Variants in KIF26B observed in about 807,000 individuals in gnomAD.
The protein encoded by KIF26B is kinesin family member 26B.
In KIF26B, 63 loss-of-function variants were observed where a neutral mutation model predicts 151.2. That is an observed-to-expected ratio of 0.42 (90% confidence interval 0.34 to 0.51). The LOEUF (loss-of-function observed/expected upper bound fraction) is 0.51, where lower values mean the gene tolerates loss of function less well. Ranked by LOEUF, KIF26B falls within the 20% of genes least tolerant of loss-of-function variation. KIF26B has a pLI of 0.07. For synonymous variants in KIF26B, 1,357 were observed against 1,262.1 expected (o/e 1.08, Z -1.59); for missense variants, 2,813 against 2,913.6 (o/e 0.97, Z 0.79).
chr1:245,658,326 G>A (rs138111344), intron 10 of KIF26B, among the ~76,000 whole-genome samples: 39 of 152,206 alleles, frequency 2.6e-4, no homozygotes, highest in Non-Finnish European at 3.7e-4. Context: ...GAAGTTAATC[G>A]AACCTATTTC....
At chr1:245,296,899 C>T (rs1003633558) in intron 2 of KIF26B, among the ~76,000 whole-genome samples, 5 of 152,112 alleles carry the variant, frequency 3.3e-5, no homozygotes, top group African/African-American at 1.2e-4. Context: ...ATTTATGTCC[C>T]GACTTTTTAG....
chr1:245,293,547 G>T (rs1438995747), intron 2 of KIF26B, among the ~76,000 whole-genome samples: 1 of 151,364 alleles, frequency 6.6e-6, no homozygotes, highest in Non-Finnish European at 1.5e-5. Context: ...GCAAAAGCCT[G>T]GTCATTAAAG....
Position 245,640,143 on chromosome 1 carries a change from C to CTCTCTCTCTATATA in KIF26B, c.2099-5977_2099-5976insCTCTCTCTATATAT. ...ATTTGCTCTCTCTCTCTCTCTCTCT[C>CTCTCTCTCTATATA]TATATATATATATATATACCCTGCT... is the stretch of plus-strand genomic sequence containing the variant. On this transcript the variant is annotated intron_variant, in intron 9 of 14. Transcript: ENST00000407071. Among the ~76,000 whole-genome samples, 22 of 31,926 alleles carry CTCTCTCTCTATATA rather than the reference C, an allele frequency of 6.9e-4. 1 individual carries two copies. Among genetic ancestry groups the CTCTCTCTCTATATA allele is most frequent in the African/African-American group, 2.9e-3 (21 of 7,194 alleles). The allele number at this position is 31,926 out of a possible 152,430, so 20.9% of individuals were successfully genotyped here.
At chr1:245,427,218 C>T (rs550325361) in intron 4 of KIF26B, among the ~76,000 whole-genome samples, 1 of 152,306 alleles carries the variant, frequency 6.6e-6, no homozygotes, top group East Asian at 1.9e-4. Context: ...CGTCAATTGA[C>T]TGTGGAGAGA....
In KIF26B at chr1:245,424,110, C is replaced by T. The variant is rs539287974; in HGVS notation, c.1166+4365C>T. The stretch of plus-strand genomic sequence containing the variant: ...CCTTCCACCTTGGCCTCCCATAGTG[C>T]TGGGATTATAGTCATGAGCCACTGC... On this transcript the variant is annotated intron_variant, in intron 4 of 14. Transcript: ENST00000407071. Among the ~76,000 whole-genome samples, 2 of 152,234 alleles carry T rather than the reference C, an allele frequency of 1.3e-5. 1 individual carries two copies. The highest frequency in any genetic ancestry group is 4.1e-4 in the South Asian group (2 of 4,820).
chr1:245,540,368 G>A lies in KIF26B; in HGVS notation c.1167-399G>A, dbSNP rs1206681435. On this transcript the variant is annotated intron_variant, in intron 4 of 14. Coordinates refer to ENST00000407071, the MANE Select transcript of KIF26B (RefSeq NM_018012.4). The surrounding 1 kb of genome is among the most constrained non-coding windows in gnomAD (Gnocchi z 4.6). ...CTGGTTTGGATTTTACAAGGTGTTA[G>A]AGTTTTTAAATTAGCTCATGAGGTC... Among the ~76,000 whole-genome samples the A allele has an allele frequency of 6.6e-6, 1 of 152,170 alleles. No homozygotes were observed. Among genetic ancestry groups the A allele is most frequent in the African/African-American group, 2.4e-5 (1 of 41,442 alleles).
At chr1:245,659,998 G>A (rs186178060) in intron 10 of KIF26B, among the ~76,000 whole-genome samples, 5 of 151,656 alleles carry the variant, frequency 3.3e-5, no homozygotes, top group African/African-American at 9.7e-5. Flanking sequence ...GCAGTGAGCC[G>A]AGATCACGCC....
rs1454481136 is a variant in KIF26B, at chr1:245,512,892, T to C, written c.1167-27875T>C. 6.6e-6 allele frequency among the ~76,000 whole-genome samples: 1 copy of C among 152,086 alleles called. No homozygotes were observed. The highest frequency in any genetic ancestry group is 1.5e-5 in the Non-Finnish European group (1 of 67,998). ...AATCATGCCGGGGAAAGGAAAATCA[T>C]TAAAAAACAATGACTAAAAACAGAA... On this transcript the variant is annotated intron_variant, in intron 4 of 14. Transcript: ENST00000407071. The surrounding 1 kb of genome is among the most constrained non-coding windows in gnomAD (Gnocchi z 4.3).
rs1017928329 is a variant in KIF26B at position 245,705,360 on chromosome 1, T to A, written c.*2754T>A. On this transcript the variant is annotated 3_prime_UTR_variant, in exon 15 of 15. Transcript: ENST00000407071. Reference sequence around the variant, plus strand: ...ACATGAAGAAATCAGGCATTTTACGTTATGATGTGCTTGTTCCTGTCTCTG... The same window carrying A: ...ACATGAAGAAATCAGGCATTTTACGATATGATGTGCTTGTTCCTGTCTCTG... 1 of 152,156 alleles carries A rather than the reference T, an allele frequency of 6.6e-6. No individual in the cohort carries two copies. The highest frequency in any genetic ancestry group is 2.4e-5 in the African/African-American group (1 of 41,420). The allele number at this position is 152,156 out of a possible 1,614,324, so 9.4% of individuals were successfully genotyped here.
intron 2 of KIF26B, among the ~76,000 whole-genome samples, chr1:245,189,542 G>C (rs1236912853): frequency 1.3e-5 from 2 of 152,156 alleles, no homozygotes; most frequent in South Asian, 4.1e-4. Context: ...GTGATCTCAG[G>C]GTTCGTGAAC....
At chr1:245,553,387 G>A (rs1054482990) in intron 5 of KIF26B, among the ~76,000 whole-genome samples, 4 of 152,148 alleles carry the variant, frequency 2.6e-5, no homozygotes, top group South Asian at 2.1e-4. Context: ...CCTGGCTGGC[G>A]TGCTGCAGCT....
At chr1:245,245,189 G>A (rs553487427) in intron 2 of KIF26B, among the ~76,000 whole-genome samples, 2 of 152,298 alleles carry the variant, frequency 1.3e-5, no homozygotes, top group South Asian at 4.1e-4. Flanking sequence ...GCTGTCCATG[G>A]CTTTGCCTGG....
chr1:245,435,299 GT>G (rs1658890852), intron 4 of KIF26B, among the ~76,000 whole-genome samples: 1 of 152,228 alleles, frequency 6.6e-6, no homozygotes, highest in Admixed American at 6.5e-5. Flanking sequence ...AGGGCAGCCA[GT>G]CCCAGGATAG....
intron 5 of KIF26B, among the ~76,000 whole-genome samples, chr1:245,593,299 C>A (rs896598365): frequency 6.6e-6 from 1 of 152,146 alleles, no homozygotes; most frequent in African/African-American, 2.4e-5. Context: ...TTAGGTATTT[C>A]TCCTAATGCT....
chr1:245,369,368 T>A (rs534459516), intron 3 of KIF26B, among the ~76,000 whole-genome samples: 1 of 152,310 alleles, frequency 6.6e-6, no homozygotes, highest in South Asian at 2.1e-4. Context: ...GAGTTAAATG[T>A]GGTTGATAAA....
At chr1:245,319,945 C>A (rs1671854408) in intron 2 of KIF26B, among the ~76,000 whole-genome samples, 1 of 152,190 alleles carries the variant, frequency 6.6e-6, no homozygotes, top group South Asian at 2.1e-4. Flanking sequence ...AACACAGACT[C>A]AGTGTCATCA....
At chr1:245,416,830 G>A (rs1347842744) in intron 3 of KIF26B, among the ~76,000 whole-genome samples, 1 of 152,192 alleles carries the variant, frequency 6.6e-6, no homozygotes, top group African/African-American at 2.4e-5. Flanking sequence ...ATCCTGGTCT[G>A]TTATTTCTGA....
At chr1:245,632,683 C>G (rs2043793736) in intron 9 of KIF26B, among the ~76,000 whole-genome samples, 1 of 152,120 alleles carries the variant, frequency 6.6e-6, no homozygotes, top group African/African-American at 2.4e-5. Flanking sequence ...CAAGGCGGGC[C>G]AATCACTTGA....
At chr1:245,556,386 TCTTC>T (rs896631332) in intron 5 of KIF26B, among the ~76,000 whole-genome samples, 10 of 136,370 alleles carry the variant, frequency 7.3e-5, no homozygotes, top group African/African-American at 3.3e-4. Context: ...TCCTTCTTCT[TCTTC>T]CTTCTTTCTT....
Sources: gnomAD v4.1 joint callset for allele counts (sites outside exome capture counted in the v4.1 genomes callset) on GRCh38, gnomAD v4.1.1 for gene constraint, Gnocchi (gnomAD v3.1) non-coding constraint, MANE v1.5 for transcripts, NCBI Gene and HGNC (gene_info 2026-07-23, HGNC 2026-07-21) for gene names.